The following EYA2 variants were observed in gnomAD, a reference collection of about 807,000 sequenced individuals.
EYA2 encodes the protein EYA transcriptional coactivator and phosphatase 2.
Under a neutral mutation model 69.2 loss-of-function variants are expected in EYA2, and 31 were observed. That is an observed-to-expected ratio of 0.45 (90% CI 0.34 to 0.60). EYA2 has a LOEUF of 0.60. Among genes scored for constraint, EYA2 ranks in the 20% least tolerant of loss-of-function variants. The probability of loss-of-function intolerance (pLI) is 0.02; values close to 1 mark genes in which losing one functional copy is unlikely to be tolerated. For synonymous variants in EYA2, 257 were observed against 279.4 expected (o/e 0.92, Z 0.80); for missense variants, 622 against 701.2 (o/e 0.89, Z 1.28).
chr20:47,031,722 G>A (rs1013240484), intron 5 of EYA2, among the ~76,000 whole-genome samples: 1 of 152,156 alleles, frequency 6.6e-6, no homozygotes, highest in Non-Finnish European at 1.5e-5. Context: ...ACGTTTCGAT[G>A]AAATGAGAAC....
At chr20:46,976,798 G>A (rs1980494740) in intron 1 of EYA2, among the ~76,000 whole-genome samples, 2 of 143,880 alleles carry the variant, frequency 1.4e-5, no homozygotes, top group South Asian at 2.2e-4. Flanking sequence ...TCTGAGGAGC[G>A]ACATGCAAAC....
chr20:46,905,702 G>A (rs1373247462), intron 1 of EYA2, among the ~76,000 whole-genome samples: 2 of 152,174 alleles, frequency 1.3e-5, no homozygotes, highest in African/African-American at 2.4e-5. Context: ...GAGAGGGTAT[G>A]GGGTCCCCTC....
At chr20:47,165,074 C>G (rs2034154717) in intron 10 of EYA2, among the ~76,000 whole-genome samples, 1 of 152,186 alleles carries the variant, frequency 6.6e-6, no homozygotes, top group Non-Finnish European at 1.5e-5. Context: ...CTCTTGAGCA[C>G]TTGAAGTAGG....
At position 47,089,192 on chromosome 20, in the gene EYA2, A is replaced by G. The variant is rs200804921; in HGVS notation, c.662-47A>G. On this transcript the variant is annotated intron_variant, in intron 7 of 15. Transcript: ENST00000327619. ...GTTGGGATATTTCCCAGGAGGAGAC[A>G]CCCAGCAAAGCTTCTGATTTGTCCA... 8.9e-5 allele frequency: 143 copies of G among 1,601,118 alleles called. No individual in the cohort carries two copies. In the East Asian group the frequency reaches 2.3e-3, roughly 25 times the overall value.
intron 9 of EYA2, among the ~76,000 whole-genome samples, chr20:47,137,231 C>A (rs2033497660): frequency 6.6e-6 from 1 of 152,146 alleles, no homozygotes; most frequent in Non-Finnish European, 1.5e-5. Flanking sequence ...TGTAATGCTT[C>A]AGAAAATGGG....
At chr20:46,915,268 A>C (rs1349650731) in intron 1 of EYA2, among the ~76,000 whole-genome samples, 1 of 152,138 alleles carries the variant, frequency 6.6e-6, no homozygotes, top group Non-Finnish European at 1.5e-5. Flanking sequence ...TTTTTAAAAA[A>C]CACGCCCACT....
chr20:47,032,954 TCCCTTTGTGGCAACCAGGGCC>T (rs1984500682), intron 5 of EYA2, among the ~76,000 whole-genome samples: 1 of 152,196 alleles, frequency 6.6e-6, no homozygotes, highest in African/African-American at 2.4e-5. Flanking sequence ...CGTATGTGTC[TCCCTTTGTGGCAACCAGGGCC>T]CCCTTCCAAT....
intron 7 of EYA2, among the ~76,000 whole-genome samples, chr20:47,084,783 A>T (rs1402416484): frequency 6.6e-6 from 1 of 151,714 alleles, no homozygotes; most frequent in Non-Finnish European, 1.5e-5. Context: ...ACTCTCATCC[A>T]CTGCTGGAAA....
intron 1 of EYA2, among the ~76,000 whole-genome samples, chr20:46,939,281 T>G (rs1276778727): frequency 6.6e-6 from 1 of 152,168 alleles, no homozygotes; most frequent in African/African-American, 2.4e-5. Flanking sequence ...CCACTAGGGT[T>G]GCAGAGCTGG....
At chr20:46,943,440 A>G (rs1986238025) in intron 1 of EYA2, among the ~76,000 whole-genome samples, 1 of 152,084 alleles carries the variant, frequency 6.6e-6, no homozygotes, top group African/African-American at 2.4e-5. Context: ...GAGAAAATGT[A>G]TCTCTCTCCC....
chr20:47,029,325 T>C (rs979232072), intron 5 of EYA2, among the ~76,000 whole-genome samples: 6 of 152,242 alleles, frequency 3.9e-5, no homozygotes, highest in African/African-American at 1.2e-4. Context: ...AAGGAGCTTA[T>C]CGAAGACATG....
chr20:47,066,819 G>A (rs1555820196), intron 5 of EYA2, among the ~76,000 whole-genome samples: 1 of 152,170 alleles, frequency 6.6e-6, no homozygotes, highest in Non-Finnish European at 1.5e-5. Context: ...TTAAGAGGAT[G>A]TTTTTTTCAT....
chr20:47,020,499 C>G (rs928074935), intron 5 of EYA2, among the ~76,000 whole-genome samples: 3 of 152,096 alleles, frequency 2.0e-5, no homozygotes, highest in African/African-American at 7.2e-5. Flanking sequence ...GTTTTTATAG[C>G]TGAAGTGTGT....
At chr20:46,906,424 A>G (rs141964004) in intron 1 of EYA2, among the ~76,000 whole-genome samples, 2 of 152,378 alleles carry the variant, frequency 1.3e-5, no homozygotes, top group Admixed American at 6.5e-5. Flanking sequence ...ATAAAATGAA[A>G]CAAATGCAGT....
At chr20:47,131,473 A>G (rs528784776) in intron 9 of EYA2, among the ~76,000 whole-genome samples, 69 of 152,320 alleles carry the variant, frequency 4.5e-4, no homozygotes, top group Non-Finnish European at 9.4e-4. Context: ...TGGGCAGACA[A>G]ATGGCACCCC....
chr20:47,172,435 C>A (rs770182445), intron 11 of EYA2, among the ~76,000 whole-genome samples: 1 of 152,140 alleles, frequency 6.6e-6, no homozygotes, highest in African/African-American at 2.4e-5. Flanking sequence ...CAGCGCAAGA[C>A]CCTGTCTCAA....
At chr20:47,064,075 C>A (rs1354542339) in intron 5 of EYA2, among the ~76,000 whole-genome samples, 2 of 152,178 alleles carry the variant, frequency 1.3e-5, no homozygotes, top group Non-Finnish European at 2.9e-5. Context: ...CCTACCACAG[C>A]CTCCAGAAGA....
At chr20:47,139,177 G>A (rs1168029668) in intron 9 of EYA2, among the ~76,000 whole-genome samples, 1 of 152,168 alleles carries the variant, frequency 6.6e-6, no homozygotes, top group African/African-American at 2.4e-5. Context: ...GAACATCTTC[G>A]ATATGTCCCC....
chr20:47,029,914 G>A (rs1984308520), intron 5 of EYA2, among the ~76,000 whole-genome samples: 1 of 152,200 alleles, frequency 6.6e-6, no homozygotes, highest in South Asian at 2.1e-4. Context: ...GGACTGATGT[G>A]TTGGAACAGA....
Sources: gnomAD v4.1 joint callset for allele counts (sites outside exome capture counted in the v4.1 genomes callset) on GRCh38, gnomAD v4.1.1 for gene constraint, MANE v1.5 for transcripts, NCBI Gene and HGNC (gene_info 2026-07-23, HGNC 2026-07-21) for gene names.